POLR1A: variants seen among roughly 807,000 people sequenced by gnomAD.
POLR1A encodes the protein DNA-directed RNA polymerase I subunit RPA1.
POLR1A carries 84 observed loss-of-function variants against 205.3 expected under a neutral mutation model. The ratio of observed to expected loss-of-function variants is 0.41; its 90% CI spans 0.34 to 0.49. POLR1A has a LOEUF of 0.49. Ranked by LOEUF, POLR1A falls within the 20% of genes least tolerant of loss-of-function variation. POLR1A has a pLI of 0.22. For synonymous variants in POLR1A, 799 were observed against 863.7 expected, an observed-to-expected ratio of 0.93 and a Z score of 1.31; for missense variants, 1,645 against 2,204.5, an observed-to-expected ratio of 0.75 and a Z score of 5.08.
chr2:86,041,245 CTGTG>C (rs9309630), intron 24 of POLR1A, among the ~76,000 whole-genome samples: 15,192 of 123,450 alleles, frequency 0.12, 1,195 homozygotes, highest in African/African-American at 0.22. Context: ...GCTACAGTGT[CTGTG>C]TGTGTGTGTG....
intron 15 of POLR1A, among the ~76,000 whole-genome samples, chr2:86,053,343 G>A (rs2104399361): frequency 1.3e-5 from 2 of 151,932 alleles, no homozygotes; most frequent in South Asian, 2.1e-4. Flanking sequence ...TTGAGGTCAA[G>A]TATCCTTGAC....
chr2:86,033,241 CCT>C (rs1672427223), intron 28 of POLR1A, among the ~76,000 whole-genome samples: 1 of 152,252 alleles, frequency 6.6e-6, no homozygotes, highest in African/African-American at 2.4e-5. Context: ...CTTCCAGATA[CCT>C]CTCTGGTCCC....
chr2:86,041,874 A>T lies in POLR1A; in HGVS notation c.3572+15T>A. ...ATTCTCCTGCACATGTTGTGCAACAAATCACTGTCAATACCTGTCGAGAGA... is the reference window on the plus strand; with the variant it reads ...ATTCTCCTGCACATGTTGTGCAACATATCACTGTCAATACCTGTCGAGAGA... On this transcript the variant is annotated intron_variant, in intron 24 of 33. Transcript: ENST00000263857. 2.5e-6 allele frequency: 4 copies of T among 1,607,040 alleles called. No individual in the cohort carries two copies. The highest frequency in any genetic ancestry group is 3.4e-6 in the Non-Finnish European group (4 of 1,173,606).
At chr2:86,086,582 T>C (rs1181361828) in intron 6 of POLR1A, among the ~76,000 whole-genome samples, 2 of 152,208 alleles carry the variant, frequency 1.3e-5, no homozygotes, top group East Asian at 1.9e-4. Context: ...CTTGGCATAA[T>C]GCTGAGCACC....
rs1553436062 is a variant in POLR1A at position 86,068,391 on chromosome 2, G to GGGGGGGGC, written c.1866+1619_1866+1626dup. 2.6e-5 allele frequency among the ~76,000 whole-genome samples: 3 copies of GGGGGGGGC among 116,386 alleles called. 1 individual carries two copies. Among genetic ancestry groups the GGGGGGGGC allele is most frequent in the Non-Finnish European group, 1.8e-5 (1 of 54,834 alleles). 76.4% of individuals were successfully genotyped at this position (116,386 alleles called of 152,430 possible). On this transcript the variant is annotated intron_variant, in intron 13 of 33. Transcript: ENST00000263857. ...CGCACAGCCAAGCACATGGGCGGGG[G>GGGGGGGGC]GGGGGGGCGGGTGTCGTCCAAAGCT...
intron 3 of POLR1A, among the ~76,000 whole-genome samples, chr2:86,096,731 A>G (rs1673711209): frequency 6.6e-6 from 1 of 152,176 alleles, no homozygotes. Context: ...TATGCAGAAG[A>G]ATGAAACTAG....
At chr2:86,036,412 CT>C (rs755052427) in intron 27 of POLR1A, among the ~76,000 whole-genome samples, 139 of 152,076 alleles carry the variant, frequency 9.1e-4, no homozygotes, top group Non-Finnish European at 1.7e-3. Flanking sequence ...AACCATCTGT[CT>C]CGTGCTGTTT....
intron 11 of POLR1A, among the ~76,000 whole-genome samples, chr2:86,076,804 G>A (rs979457535): frequency 1.3e-5 from 2 of 152,228 alleles, no homozygotes; most frequent in African/African-American, 4.8e-5. Context: ...AGGCCAACAA[G>A]GGTGGCCCCT....
At position 86,028,792 on chromosome 2, in the gene POLR1A, C is replaced by T. The variant is rs767031990; in HGVS notation, c.4780-81G>A. 92 of 990,366 alleles carry T rather than the reference C, an allele frequency of 9.3e-5. No individual in the cohort carries two copies. The highest frequency in any genetic ancestry group is 1.2e-4 in the Non-Finnish European group (78 of 631,790). 61.3% of individuals were successfully genotyped at this position (990,366 alleles called of 1,614,324 possible). A position where few individuals can be genotyped will look rare whatever the true frequency, so the allele number is the denominator to read the frequency against. ...GCCTGCGTATCTCCCCCTGGCCGCT[C>T]TCTCTCTCCTTGTGTCTGGCAGCTC... On this transcript the variant is annotated intron_variant, in intron 31 of 33. Coordinates refer to ENST00000263857, the MANE Select transcript of POLR1A (RefSeq NM_015425.6). The surrounding 1 kb of genome is among the most constrained non-coding windows in gnomAD (Gnocchi z 4.5).
At chr2:86,093,724 T>C (rs1673652318) in intron 3 of POLR1A, among the ~76,000 whole-genome samples, 1 of 152,026 alleles carries the variant, frequency 6.6e-6, no homozygotes, top group Non-Finnish European at 1.5e-5. Context: ...CAGCTACTCG[T>C]GAGGCTGAGG....
chr2:86,032,002 C>T (rs1372087517), intron 29 of POLR1A, among the ~76,000 whole-genome samples: 1 of 152,158 alleles, frequency 6.6e-6, no homozygotes, highest in Admixed American at 6.5e-5. Context: ...CTTTTTCTTG[C>T]CAGAAGCCTG....
chr2:86,056,391 G>A (rs1380031300), intron 14 of POLR1A, among the ~76,000 whole-genome samples: 2 of 151,936 alleles, frequency 1.3e-5, no homozygotes, highest in African/African-American at 4.8e-5. Flanking sequence ...ATTGGAGGTT[G>A]CAGTGAGCCG....
intron 27 of POLR1A, among the ~76,000 whole-genome samples, chr2:86,034,540 G>A (rs1672461172): frequency 6.6e-6 from 1 of 152,132 alleles, no homozygotes; most frequent in Non-Finnish European, 1.5e-5. Context: ...GGGCCTCTTA[G>A]GATCCACCCT....
intron 14 of POLR1A, among the ~76,000 whole-genome samples, chr2:86,056,622 A>C (rs565240370): frequency 1.3e-5 from 2 of 152,338 alleles, no homozygotes; most frequent in Admixed American, 1.3e-4. Flanking sequence ...CTGGCTTCAC[A>C]GCTTCAAAGG....
Position 86,104,519 on chromosome 2 carries a change from C to T in POLR1A, c.77+1181G>A, listed in dbSNP as rs1269343211. Among the ~76,000 whole-genome samples, 6 of 149,646 alleles carry T rather than the reference C, an allele frequency of 4.0e-5. No individual in the cohort carries two copies. In the East Asian group the frequency reaches 9.9e-4, roughly 25 times the overall value. ...CTGGAGTGCAGTGGCACAATCTCGG[C>T]TCACTGCAACCTCCGCCTCCTGGGT... On this transcript the variant is annotated intron_variant, in intron 1 of 33. Coordinates refer to ENST00000263857, the MANE Select transcript of POLR1A (RefSeq NM_015425.6).
chr2:86,054,075 T>C, intron 15 of POLR1A, 65 bp downstream of exon 15: 1 of 1,530,878 alleles, frequency 6.5e-7, no homozygotes, highest in Non-Finnish European at 9.0e-7. Flanking sequence ...TCTGTCTCCA[T>C]TTTAAACCAA....
At chr2:86,076,697 C>G (rs547246485) in intron 11 of POLR1A, among the ~76,000 whole-genome samples, 1 of 152,272 alleles carries the variant, frequency 6.6e-6, no homozygotes, top group East Asian at 1.9e-4. Context: ...CCAAACAAAC[C>G]CAGATCTAAG....
At chr2:86,044,033 A>C (rs1672666178) in intron 22 of POLR1A, 106 bp downstream of exon 22, 1 of 1,059,602 alleles carries the variant, frequency 9.4e-7, no homozygotes, top group Admixed American at 2.0e-5. Context: ...TCTACTTTCC[A>C]ATGGCCACTT....
chr2:86,102,438 G>A (rs11694973), intron 1 of POLR1A, among the ~76,000 whole-genome samples: 108,110 of 152,168 alleles, frequency 0.71, 41,329 homozygotes, highest in Non-Finnish European at 0.84. Flanking sequence ...AAAAATGTCT[G>A]TTTAAGTCCT....
Sources: gnomAD v4.1 joint callset for allele counts (sites outside exome capture counted in the v4.1 genomes callset) on GRCh38, gnomAD v4.1.1 for gene constraint, Gnocchi (gnomAD v3.1) non-coding constraint, MANE v1.5 for transcripts, NCBI Gene and HGNC (gene_info 2026-07-23, HGNC 2026-07-21) for gene names.